The following RETREG1 variants were observed in gnomAD, a reference collection of about 807,000 sequenced individuals.
RETREG1 encodes family with sequence similarity 134 member B.
RETREG1 carries 44 observed loss-of-function variants against 54.8 expected under a neutral mutation model. That is an observed-to-expected ratio of 0.80 (90% CI 0.63 to 1.03). The LOEUF (loss-of-function observed/expected upper bound fraction) is 1.03, where lower values mean the gene tolerates loss of function less well. Among genes scored for constraint, RETREG1 ranks in the 50% least tolerant of loss-of-function variants. RETREG1 has a pLI of 0.00. For synonymous variants in RETREG1, 217 were observed against 238.5 expected (o/e 0.91, Z 0.83); for missense variants, 554 against 605.1 (o/e 0.92, Z 0.89).
chr5:16,608,795 C>A (rs1020805602), intron 1 of RETREG1, among the ~76,000 whole-genome samples: 19 of 152,152 alleles, frequency 1.2e-4, no homozygotes, highest in Non-Finnish European at 2.6e-4. Flanking sequence ...GGCTGACAGT[C>A]TAAAAAGATC....
chr5:16,564,774 C>T lies in RETREG1; in HGVS notation c.458+989G>A, dbSNP rs374554265. ...AAGTCTGCATCCTGCCCATGAAAAT[C>T]TGGGATTTGAAATGAAGGAACAAGC... On this transcript the variant is annotated intron_variant, in intron 3 of 8. Coordinates refer to ENST00000306320, the MANE Select transcript of RETREG1 (RefSeq NM_001034850.3). Among the ~76,000 whole-genome samples, 169 of 152,294 alleles carry T rather than the reference C, an allele frequency of 1.1e-3. 1 individual carries two copies. Among genetic ancestry groups the T allele is most frequent in the African/African-American group, 3.8e-3 (158 of 41,572 alleles).
intron 1 of RETREG1, among the ~76,000 whole-genome samples, chr5:16,605,872 C>A (rs1743174482): frequency 6.6e-6 from 1 of 152,132 alleles, no homozygotes; most frequent in Non-Finnish European, 1.5e-5. Context: ...CCCTTCATGA[C>A]CTAATAGCCT....
chr5:16,568,304 C>T (rs1742075572), intron 2 of RETREG1, among the ~76,000 whole-genome samples: 1 of 149,536 alleles, frequency 6.7e-6, no homozygotes, highest in African/African-American at 2.5e-5. Flanking sequence ...TGGAGTCTCA[C>T]TCTGTCACCG....
At chr5:16,502,875 C>T (rs189042467) in intron 3 of RETREG1, among the ~76,000 whole-genome samples, 161 of 152,320 alleles carry the variant, frequency 1.1e-3, no homozygotes, top group African/African-American at 3.4e-3. Flanking sequence ...AGCAGCAAGA[C>T]GCTCTAATGG....
At chr5:16,480,952 C>A in intron 5 of RETREG1, 57 bp downstream of exon 5, 1 of 1,181,948 alleles carries the variant, frequency 8.5e-7, no homozygotes, top group Non-Finnish European at 1.3e-6. Flanking sequence ...GGTCTGTTGA[C>A]CGTAAGGTGA....
chr5:16,588,381 G>T (rs1323336346), intron 1 of RETREG1, among the ~76,000 whole-genome samples: 1 of 152,168 alleles, frequency 6.6e-6, no homozygotes, highest in East Asian at 1.9e-4. Context: ...GTGACCTCAT[G>T]TAACCTTGAC....
chr5:16,580,961 AC>A (rs1561128253), intron 1 of RETREG1, among the ~76,000 whole-genome samples: 1 of 152,144 alleles, frequency 6.6e-6, no homozygotes, highest in African/African-American at 2.4e-5. Flanking sequence ...GTGCCTAGTC[AC>A]CCGCTGAATG....
chr5:16,601,142 G>A (rs1272710203), intron 1 of RETREG1, among the ~76,000 whole-genome samples: 4 of 152,156 alleles, frequency 2.6e-5, no homozygotes, highest in South Asian at 2.1e-4. Context: ...GGAGGCCAGA[G>A]GATTGCTTGA....
intron 2 of RETREG1, among the ~76,000 whole-genome samples, chr5:16,568,336 A>G (rs1742076730): frequency 6.7e-6 from 1 of 150,120 alleles, no homozygotes; most frequent in Non-Finnish European, 1.5e-5. Flanking sequence ...CAATGACGTG[A>G]TCTCAGCTCA....
chr5:16,488,662 G>C (rs1739112864), intron 3 of RETREG1, among the ~76,000 whole-genome samples: 1 of 152,142 alleles, frequency 6.6e-6, no homozygotes, highest in Non-Finnish European at 1.5e-5. Flanking sequence ...ATGACACCTA[G>C]TCCCACCAAC....
chr5:16,500,484 T>TGCATG (rs1739662569), intron 3 of RETREG1, among the ~76,000 whole-genome samples: 1 of 151,766 alleles, frequency 6.6e-6, no homozygotes, highest in Non-Finnish European at 1.5e-5. Flanking sequence ...CATACAGGAG[T>TGCATG]GCATTCCAGA....
intron 3 of RETREG1, among the ~76,000 whole-genome samples, chr5:16,536,833 T>C (rs1741087307): frequency 6.6e-6 from 1 of 152,210 alleles, no homozygotes; most frequent in Admixed American, 6.5e-5. Flanking sequence ...ATTAAAAGGA[T>C]GTTTTTCCAA....
chr5:16,508,943 T>C (rs1017231907), intron 3 of RETREG1: 1 of 1,171,970 alleles, frequency 8.5e-7, no homozygotes, highest in Non-Finnish European at 1.1e-6. Flanking sequence ...TGCCCCGCAT[T>C]CTCTCTCCAG....
chr5:16,515,896 G>C (rs182199267), intron 3 of RETREG1, among the ~76,000 whole-genome samples: 3 of 152,218 alleles, frequency 2.0e-5, no homozygotes, highest in Non-Finnish European at 4.4e-5. Flanking sequence ...CACATTTGAG[G>C]CTATTCAGAG....
At chr5:16,579,529 A>AT (rs1681112939) in intron 1 of RETREG1, among the ~76,000 whole-genome samples, 1 of 152,212 alleles carries the variant, frequency 6.6e-6, no homozygotes. Flanking sequence ...GTTTTGACAA[A>AT]TGCATAATGA....
chr5:16,597,776 G>A lies in RETREG1; in HGVS notation c.320+18876C>T, dbSNP rs1197791072. Among the ~76,000 whole-genome samples the A allele has an allele frequency of 6.6e-6, 1 of 152,102 alleles. No individual in the cohort carries two copies. The highest frequency in any genetic ancestry group is 1.5e-5 in the Non-Finnish European group (1 of 68,036). ...TTTCTACAAAGAACCAATCACATCA[G>A]TGCCAGGGGTTGTTTGTAATGGCCC... On this transcript the variant is annotated intron_variant, in intron 1 of 8. Coordinates refer to ENST00000306320, the MANE Select transcript of RETREG1 (RefSeq NM_001034850.3). The surrounding 1 kb of genome is among the most constrained non-coding windows in gnomAD (Gnocchi z 4.3).
At chr5:16,500,508 T>C (rs1321027416) in intron 3 of RETREG1, among the ~76,000 whole-genome samples, 4 of 152,076 alleles carry the variant, frequency 2.6e-5, no homozygotes, top group Non-Finnish European at 5.9e-5. Context: ...TTCTACACAC[T>C]TGCTAGAGGA....
intron 4 of RETREG1, among the ~76,000 whole-genome samples, chr5:16,481,508 C>G (rs1738772729): frequency 6.6e-6 from 1 of 152,044 alleles, no homozygotes; most frequent in Non-Finnish European, 1.5e-5. Flanking sequence ...TATAAGCCCA[C>G]TGAAATTCAT....
chr5:16,547,106 A>G (rs1037698290), intron 3 of RETREG1, among the ~76,000 whole-genome samples: 1 of 152,222 alleles, frequency 6.6e-6, no homozygotes, highest in African/African-American at 2.4e-5. Context: ...TGCCTTCTGC[A>G]GAGCAGGTAT....
Sources: allele counts gnomAD v4.1 joint callset (sites outside exome capture counted in the v4.1 genomes callset), GRCh38; gene constraint gnomAD v4.1.1; non-coding constraint Gnocchi (gnomAD v3.1); transcripts MANE v1.5; gene names NCBI Gene and HGNC (gene_info 2026-07-23, HGNC 2026-07-21).